Variants in MAPT observed in about 807,000 individuals in gnomAD.
MAPT encodes the protein microtubule associated protein tau, also known as microtubule-associated protein tau.
A neutral mutation model predicts 67.9 loss-of-function variants in MAPT; 34 were observed. The observed-to-expected ratio is 0.50, with a 90% confidence interval of 0.38 to 0.67. The LOEUF (loss-of-function observed/expected upper bound fraction) is 0.67. Among genes scored for constraint, MAPT ranks in the 30% least tolerant of loss-of-function variants. The probability of loss-of-function intolerance (pLI) is 0.00; values close to 1 mark genes in which losing one functional copy is unlikely to be tolerated. For synonymous variants in MAPT, 456 were observed against 464.5 expected, an observed-to-expected ratio of 0.98 and a Z score of 0.23; for missense variants, 881 against 1,115.2, an observed-to-expected ratio of 0.79 and a Z score of 2.99.
At chr17:45,916,010 T>G (rs3785880) in intron 1 of MAPT, among the ~76,000 whole-genome samples, 61,119 of 152,026 alleles carry the variant, frequency 0.4, 13,126 homozygotes, top group South Asian at 0.5. Context: ...TGGAGTAACT[T>G]CCGTGGGCGG....
chr17:45,996,800 G>A lies in MAPT; in HGVS notation c.1998+136G>A. 1.6e-6 allele frequency: 2 copies of A among 1,263,954 alleles called. No homozygotes were observed. The highest frequency in any genetic ancestry group is 2.2e-6 in the Non-Finnish European group (2 of 922,684). 78.3% of individuals were successfully genotyped at this position (1,263,954 alleles called of 1,614,324 possible). A position where few individuals can be genotyped will look rare whatever the true frequency, so the allele number is the denominator to read the frequency against. ...GTGGGACTGTGCATGGAGGTGTGGG[G>A]CTCCCCGCACCTGAGCACCCCCGCA... is the stretch of plus-strand genomic sequence containing the variant. On this transcript the variant is annotated intron_variant, in intron 9 of 12. Transcript: ENST00000262410. The surrounding 1 kb of genome is among the most constrained non-coding windows in gnomAD (Gnocchi z 4.5).
intron 1 of MAPT, among the ~76,000 whole-genome samples, chr17:45,921,544 C>T (rs767056): frequency 0.14 from 21,812 of 152,192 alleles, 2,133 homozygotes; most frequent in Middle Eastern, 0.22. Flanking sequence ...TCATGTCACC[C>T]GGTGCCCCCA....
chr17:45,995,625 C>T lies in MAPT; in HGVS notation c.1733-774C>T, dbSNP rs547105285. ...ATCTGCATGGAGAGGAGAAGAGACC[C>T]CCCAGCAGCTTCCAGGGTGTTGGAA... On this transcript the variant is annotated intron_variant, in intron 8 of 12. Transcript: ENST00000262410. This position sits in a 1 kb window ranked among gnomAD's most constrained non-coding sequence, Gnocchi z 4.3. 7.2e-5 allele frequency among the ~76,000 whole-genome samples: 11 copies of T among 152,250 alleles called. No homozygotes were observed. The South Asian group carries it at 2.3e-3, about 32-fold the overall frequency.
intron 8 of MAPT, among the ~76,000 whole-genome samples, chr17:45,992,329 A>G (rs994935550): frequency 6.6e-6 from 1 of 152,174 alleles, no homozygotes; most frequent in East Asian, 1.9e-4. Context: ...GCATGTTTTC[A>G]GTCCCCAAAT....
Position 45,983,488 on chromosome 17 carries a change from C to A in MAPT, c.909C>A (p.Ser303=), listed in dbSNP as rs1210755711. ...AAGACCGCGACGTCGATGAGTCCTC[C>A]CCCCAAGACTCCCCTCCCTCCAAGG... is the stretch of plus-strand genomic sequence containing the variant. ...VDEDRDVDES[S]PQDSPPSKAS... Residue 303 remains serine (S), a synonymous_variant, in exon 5 of 13, where the codon TCC becomes TCA. Coordinates refer to ENST00000262410, the MANE Select transcript of MAPT (RefSeq NM_001377265.1). 1.2e-6 allele frequency: 2 copies of A among 1,611,254 alleles called. No homozygotes were observed. Among genetic ancestry groups the A allele is most frequent in the Non-Finnish European group, 1.7e-6 (2 of 1,178,808 alleles).
chr17:46,014,839 C>T (rs1305265436), intron 11 of MAPT, among the ~76,000 whole-genome samples: 10 of 149,564 alleles, frequency 6.7e-5, no homozygotes, highest in Non-Finnish European at 1.5e-4. Flanking sequence ...GCAGAGATCG[C>T]GCCACTGCAC....
rs1168052134 is a variant in MAPT at position 45,983,501 on chromosome 17, C to T, written c.922C>T (p.Pro308Ser). ...DVDESSPQDSPPSKASPAQDG... is the reference protein window; with the variant it reads ...DVDESSPQDSSPSKASPAQDG... ...CGATGAGTCCTCCCCCCAAGACTCCCCTCCCTCCAAGGCCTCCCCAGCCCA... is the reference window on the plus strand; with the variant it reads ...CGATGAGTCCTCCCCCCAAGACTCCTCTCCCTCCAAGGCCTCCCCAGCCCA... The change falls in exon 5 of 13, where the codon CCT (proline) becomes TCT (serine). Residue 308 changes from proline (P) to serine (S), a missense_variant. Coordinates refer to ENST00000262410, the MANE Select transcript of MAPT (RefSeq NM_001377265.1). The T allele has an allele frequency of 3.1e-6, 5 of 1,612,256 alleles. No individual in the cohort carries two copies. Among genetic ancestry groups the T allele is most frequent in the East Asian group, 2.2e-5 (1 of 44,844 alleles).
chr17:46,022,285 C>T (rs924038880), intron 12 of MAPT, among the ~76,000 whole-genome samples: 1 of 139,022 alleles, frequency 7.2e-6, no homozygotes, highest in African/African-American at 2.7e-5. Flanking sequence ...ATCCCGGAGG[C>T]GGAGGTTGCA....
At chr17:46,008,105 T>C (rs2075571104) in intron 9 of MAPT, among the ~76,000 whole-genome samples, 1 of 152,254 alleles carries the variant, frequency 6.6e-6, no homozygotes, top group African/African-American at 2.4e-5. Flanking sequence ...TTTGTTGTTT[T>C]TTGTATTTTG....
chr17:45,956,427 T>C (rs1325151081), intron 1 of MAPT, among the ~76,000 whole-genome samples: 5 of 152,044 alleles, frequency 3.3e-5, no homozygotes. Context: ...CTGCTCTCTC[T>C]AGAACCCATG....
At chr17:45,959,649 C>T (rs1482000349) in intron 1 of MAPT, among the ~76,000 whole-genome samples, 1 of 152,072 alleles carries the variant, frequency 6.6e-6, no homozygotes, top group Non-Finnish European at 1.5e-5. Context: ...GGCATGGTGG[C>T]TGGGGCCTGT....
intron 11 of MAPT, among the ~76,000 whole-genome samples, chr17:46,016,726 G>A (rs1018829271): frequency 7.9e-5 from 12 of 152,174 alleles, no homozygotes; most frequent in Non-Finnish European, 1.8e-4. Flanking sequence ...AGCCAAGATC[G>A]CGCCACTGCA....
intron 2 of MAPT, among the ~76,000 whole-genome samples, chr17:45,970,269 TATTA>T (rs1445772246): frequency 2.0e-5 from 3 of 152,196 alleles, no homozygotes; most frequent in Non-Finnish European, 1.5e-5. Context: ...CCTAATAAAT[TATTA>T]ATTCATATAT....
chr17:46,019,575 C>A (rs969405061), intron 12 of MAPT, among the ~76,000 whole-genome samples: 1 of 151,930 alleles, frequency 6.6e-6, no homozygotes, highest in Non-Finnish European at 1.5e-5. Context: ...TGCCACGTTG[C>A]CCAGGCTGGT....
chr17:45,985,428 T>C (rs2073441398), intron 5 of MAPT, among the ~76,000 whole-genome samples: 1 of 152,232 alleles, frequency 6.6e-6, no homozygotes, highest in Non-Finnish European at 1.5e-5. Flanking sequence ...CCTGAAATGA[T>C]GTTTTCTTGA....
At chr17:45,960,698 A>AT (rs1334753637) in intron 1 of MAPT, among the ~76,000 whole-genome samples, 1 of 152,192 alleles carries the variant, frequency 6.6e-6, no homozygotes, top group East Asian at 1.9e-4. Context: ...TATGCCTGTA[A>AT]TCCCAACACT....
intron 9 of MAPT, among the ~76,000 whole-genome samples, chr17:46,005,425 C>A (rs1232830517): frequency 6.6e-6 from 1 of 152,086 alleles, no homozygotes; most frequent in African/African-American, 2.4e-5. Context: ...TGAAAGCAGG[C>A]AAATCTTCTA....
chr17:46,020,572 G>A (rs1209817293), intron 12 of MAPT, among the ~76,000 whole-genome samples: 1 of 152,218 alleles, frequency 6.6e-6, no homozygotes, highest in African/African-American at 2.4e-5. Context: ...CAGTCTAAAA[G>A]ATAGAGGTCT....
Position 45,978,430 on chromosome 17 carries a change from C to T in MAPT, c.276C>T (p.His92=), listed in dbSNP as rs202000892. 1.2e-5 allele frequency: 19 copies of T among 1,585,602 alleles called. No individual in the cohort carries two copies. Among genetic ancestry groups the T allele is most frequent in the East Asian group, 9.3e-5 (4 of 43,058 alleles). Residue 92 remains histidine, a synonymous_variant, in exon 4 of 13, where the codon CAC becomes CAT. Transcript: ENST00000262410. ...TPSLEDEAAG[H]VTQEELRVPG... The stretch of plus-strand genomic sequence containing the variant: ...GCCTGGAAGACGAAGCTGCTGGTCA[C>T]GTGACCCAAGGTCAGTGAACTGGAA...
Sources: gnomAD v4.1 joint callset for allele counts (sites outside exome capture counted in the v4.1 genomes callset) on GRCh38, gnomAD v4.1.1 for gene constraint, Gnocchi (gnomAD v3.1) non-coding constraint, MANE v1.5 for transcripts, NCBI Gene and HGNC (gene_info 2026-07-23, HGNC 2026-07-21) for gene names.